Variants in DIP2C observed in about 807,000 individuals in gnomAD.
DIP2C encodes DIP2 acetate--CoA ligase C (putative).
DIP2C carries 33 observed loss-of-function variants against 192.4 expected under a neutral mutation model. The ratio of observed to expected loss-of-function variants is 0.17; its 90% CI spans 0.13 to 0.23. DIP2C has a LOEUF of 0.23. Ranked by LOEUF, DIP2C falls within the 10% of genes least tolerant of loss-of-function variation. The pLI is 1.00. For synonymous variants in DIP2C, 979 were observed against 864.1 expected, an observed-to-expected ratio of 1.13 and a Z score of -2.33; for missense variants, 1,537 against 2,110.1, an observed-to-expected ratio of 0.73 and a Z score of 5.32.
intron 1 of DIP2C, among the ~76,000 whole-genome samples, chr10:521,402 G>A (rs527815280): frequency 1.2e-4 from 19 of 152,270 alleles, no homozygotes; most frequent in East Asian, 1.2e-3. Context: ...AGGAAAACTC[G>A]TCAAAAAATC....
At chr10:610,355 C>T (rs78282561) in intron 1 of DIP2C, among the ~76,000 whole-genome samples, 7,724 of 152,214 alleles carry the variant, frequency 0.051, 607 homozygotes, top group African/African-American at 0.17. Flanking sequence ...CACAGCCTGA[C>T]AGGAGCACAA....
Position 486,448 on chromosome 10 carries a change from G to T in DIP2C, c.157+11C>A. 6.3e-7 allele frequency: 1 copy of T among 1,595,260 alleles called. No homozygotes were observed. The highest frequency in any genetic ancestry group is 8.5e-7 in the Non-Finnish European group (1 of 1,171,256). The stretch of plus-strand genomic sequence containing the variant: ...ATGAGAGGACTCATGCTACTCATGG[G>T]GGTTACCTACTCGGAGGCTGCGGAA... On this transcript the variant is annotated intron_variant, in intron 2 of 36. Coordinates refer to ENST00000280886, the MANE Select transcript of DIP2C (RefSeq NM_014974.3).
chr10:470,275 C>T (rs1364947043), intron 3 of DIP2C, among the ~76,000 whole-genome samples: 2 of 152,192 alleles, frequency 1.3e-5, no homozygotes, highest in South Asian at 2.1e-4. Flanking sequence ...TGTGAAGAGG[C>T]GCCATATTTC....
intron 4 of DIP2C, among the ~76,000 whole-genome samples, chr10:439,097 T>C (rs1019755781): frequency 6.6e-6 from 1 of 152,204 alleles, no homozygotes; most frequent in African/African-American, 2.4e-5. Context: ...ACGCCTGCCC[T>C]GGACTCCCAA....
chr10:608,076 T>C (rs188238291), intron 1 of DIP2C, among the ~76,000 whole-genome samples: 216 of 150,076 alleles, frequency 1.4e-3, no homozygotes, highest in African/African-American at 5.2e-3. Flanking sequence ...TGGTCTTTGA[T>C]CTACCTCCCT....
chr10:558,752 C>T (rs764437096), intron 1 of DIP2C, among the ~76,000 whole-genome samples: 1 of 152,188 alleles, frequency 6.6e-6, no homozygotes, highest in Non-Finnish European at 1.5e-5. Context: ...ATTCCCATCT[C>T]GCCATCAATT....
At chr10:545,934 A>T (rs1281809663) in intron 1 of DIP2C, among the ~76,000 whole-genome samples, 1 of 152,168 alleles carries the variant, frequency 6.6e-6, no homozygotes, top group Admixed American at 6.5e-5. Flanking sequence ...GTGGTTTTCA[A>T]ACTTTTGGGT....
intron 1 of DIP2C, among the ~76,000 whole-genome samples, chr10:491,842 C>A (rs1844469351): frequency 6.6e-6 from 1 of 152,210 alleles, no homozygotes. Flanking sequence ...GAACACAGAC[C>A]TGCTGTGCAC....
chr10:371,643 C>T (rs60465832), intron 17 of DIP2C, among the ~76,000 whole-genome samples: 5 of 150,708 alleles, frequency 3.3e-5, no homozygotes, highest in East Asian at 3.9e-4. Context: ...GAGCAGCACC[C>T]GAGGGAGGCT....
At chr10:511,332 G>A (rs370442534) in intron 1 of DIP2C, among the ~76,000 whole-genome samples, 24 of 152,330 alleles carry the variant, frequency 1.6e-4, no homozygotes, top group African/African-American at 4.1e-4. Context: ...GATTTCAGGC[G>A]GCTCAGCCAA....
intron 1 of DIP2C, among the ~76,000 whole-genome samples, chr10:617,798 C>T (rs1564275677): frequency 1.3e-5 from 2 of 152,092 alleles, no homozygotes; most frequent in African/African-American, 4.8e-5. Flanking sequence ...CCAGCTCCAC[C>T]ATCCAGGCTC....
At chr10:638,555 A>G (rs147432859) in intron 1 of DIP2C, among the ~76,000 whole-genome samples, 10 of 152,340 alleles carry the variant, frequency 6.6e-5, no homozygotes, top group African/African-American at 2.4e-4. Context: ...CTCAGAAAAC[A>G]AGACATAACA....
At chr10:413,108 C>G (rs1438072438) in intron 8 of DIP2C, among the ~76,000 whole-genome samples, 3 of 152,220 alleles carry the variant, frequency 2.0e-5, no homozygotes, top group Non-Finnish European at 4.4e-5. Flanking sequence ...GCAGCTGGGA[C>G]TACAGGCATG....
At chr10:511,842 G>GT (rs1254538516) in intron 1 of DIP2C, among the ~76,000 whole-genome samples, 1 of 152,222 alleles carries the variant, frequency 6.6e-6, no homozygotes. Context: ...TTTCAAAACT[G>GT]TAAGAACAAA....
rs145486656 is a variant in DIP2C at position 594,527 on chromosome 10, C to T, written c.85+94967G>A. Among the ~76,000 whole-genome samples the T allele has an allele frequency of 7.0e-3, 1,058 of 151,782 alleles. 14 individuals carry two copies. Among genetic ancestry groups the T allele is most frequent in the Non-Finnish European group, 0.012 (832 of 67,938 alleles). On this transcript the variant is annotated intron_variant, in intron 1 of 36. Transcript: ENST00000280886. ...CCATTTCAACGTAAGGGAACATGGC[C>T]GAGTACAGACCATTTCAACGTAAGA...
At chr10:618,220 A>G (rs1204429946) in intron 1 of DIP2C, among the ~76,000 whole-genome samples, 1 of 152,230 alleles carries the variant, frequency 6.6e-6, no homozygotes, top group Non-Finnish European at 1.5e-5. Flanking sequence ...TTTCTTATGT[A>G]TGGTCAAATG....
At chr10:455,162 G>A (rs11252527) in intron 3 of DIP2C, among the ~76,000 whole-genome samples, 9,566 of 152,238 alleles carry the variant, frequency 0.063, 421 homozygotes, top group East Asian at 0.15. Flanking sequence ...AGGCCGCACC[G>A]GTTCAAACCC....
At chr10:396,506 AACCATCACCAT>A (rs1007150045) in intron 10 of DIP2C, among the ~76,000 whole-genome samples, 2 of 152,222 alleles carry the variant, frequency 1.3e-5, no homozygotes, top group Non-Finnish European at 2.9e-5. Flanking sequence ...CTGGTTATTG[AACCATCACCAT>A]ATGCTCATGC....
chr10:515,321 T>A (rs1008050359), intron 1 of DIP2C, among the ~76,000 whole-genome samples: 1 of 152,224 alleles, frequency 6.6e-6, no homozygotes, highest in Admixed American at 6.5e-5. Flanking sequence ...ATTTTTAACA[T>A]ATGCATAGTT....
Sources: gnomAD v4.1 joint callset for allele counts (sites outside exome capture counted in the v4.1 genomes callset) on GRCh38, gnomAD v4.1.1 for gene constraint, MANE v1.5 for transcripts, NCBI Gene and HGNC (gene_info 2026-07-23, HGNC 2026-07-21) for gene names.